NEDD4L: variants seen among roughly 807,000 people sequenced by gnomAD.
The protein encoded by NEDD4L is NEDD4 like E3 ubiquitin protein ligase.
NEDD4L carries 54 observed loss-of-function variants against 148.9 expected under a neutral mutation model. The ratio of observed to expected loss-of-function variants is 0.36; its 90% CI spans 0.29 to 0.45. The LOEUF (loss-of-function observed/expected upper bound fraction) is 0.45, where lower values mean the gene tolerates loss of function less well. Ranked by LOEUF, NEDD4L falls within the 20% of genes least tolerant of loss-of-function variation. The pLI is 1.00. For synonymous variants in NEDD4L, 433 were observed against 440.7 expected (o/e 0.98, Z 0.22); for missense variants, 856 against 1,233.8 (o/e 0.69, Z 4.59).
At chr18:58,081,155 A>G (rs2083409745) in intron 1 of NEDD4L, among the ~76,000 whole-genome samples, 1 of 151,788 alleles carries the variant, frequency 6.6e-6, no homozygotes, top group African/African-American at 2.4e-5. Flanking sequence ...TCTATTTGGG[A>G]ACATGCATTC....
chr18:58,310,989 C>G (rs904700236), intron 5 of NEDD4L, among the ~76,000 whole-genome samples: 12 of 152,136 alleles, frequency 7.9e-5, no homozygotes, highest in African/African-American at 2.9e-4. Context: ...CAATTCCCTT[C>G]CATTTGTCTT....
At chr18:58,245,676 T>C (rs895178824) in intron 3 of NEDD4L, among the ~76,000 whole-genome samples, 168 bp downstream of exon 3, 9 of 70,566 alleles carry the variant, frequency 1.3e-4, no homozygotes, top group Non-Finnish European at 2.4e-4. Context: ...CTTTTTCTCT[T>C]TTTTTTTTTT....
At chr18:58,328,911 G>A (rs1380942536) in intron 9 of NEDD4L, 84 bp from the exon 10 acceptor site, 2 of 1,513,782 alleles carry the variant, frequency 1.3e-6, no homozygotes, top group Admixed American at 1.8e-5. Context: ...TGGCCATCTG[G>A]CCCTCCGTGA....
chr18:58,328,317 T>C (rs2059493712), intron 9 of NEDD4L, among the ~76,000 whole-genome samples: 1 of 152,148 alleles, frequency 6.6e-6, no homozygotes, highest in African/African-American at 2.4e-5. Flanking sequence ...ATTGAGAACA[T>C]CACATGACAA....
chr18:58,124,649 G>A (rs7235250), intron 1 of NEDD4L, among the ~76,000 whole-genome samples: 108,496 of 152,114 alleles, frequency 0.71, 38,864 homozygotes, highest in Admixed American at 0.77. Context: ...ACATGGAGCC[G>A]CTGCTCTTCC....
intron 1 of NEDD4L, among the ~76,000 whole-genome samples, chr18:58,148,741 CA>C (rs1488572587): frequency 1.3e-5 from 2 of 152,218 alleles, no homozygotes; most frequent in Non-Finnish European, 2.9e-5. Flanking sequence ...AGTCACATTC[CA>C]GGGGCTAGAG....
chr18:58,236,391 G>A (rs1313536177), intron 2 of NEDD4L, among the ~76,000 whole-genome samples: 1 of 152,246 alleles, frequency 6.6e-6, no homozygotes, highest in East Asian at 1.9e-4. Context: ...TGAAGTACTG[G>A]TTGGGTTAAC....
chr18:58,320,239 T>G (rs1024352515), intron 6 of NEDD4L, among the ~76,000 whole-genome samples: 1 of 152,234 alleles, frequency 6.6e-6, no homozygotes, highest in African/African-American at 2.4e-5. Flanking sequence ...TTCCTATGTT[T>G]AAACTGTCCT....
chr18:58,258,961 C>T (rs1266656799), intron 5 of NEDD4L, among the ~76,000 whole-genome samples: 1 of 152,140 alleles, frequency 6.6e-6, no homozygotes, highest in African/African-American at 2.4e-5. Context: ...CAAATATCCA[C>T]TGCTTTGGTC....
At chr18:58,327,699 G>T (rs2059424541) in intron 9 of NEDD4L, among the ~76,000 whole-genome samples, 5 of 152,218 alleles carry the variant, frequency 3.3e-5, no homozygotes, top group Admixed American at 6.5e-5. Context: ...TTGTGTTTTA[G>T]AAAGAGTCTA....
intron 12 of NEDD4L, among the ~76,000 whole-genome samples, chr18:58,334,789 A>G (rs2041500718): frequency 6.6e-6 from 1 of 152,134 alleles, no homozygotes; most frequent in South Asian, 2.1e-4. Context: ...TTAATTTTTT[A>G]TGTTTGAGAA....
At chr18:58,254,690 G>T (rs2048309559) in intron 5 of NEDD4L, among the ~76,000 whole-genome samples, 1 of 151,966 alleles carries the variant, frequency 6.6e-6, no homozygotes, top group South Asian at 2.1e-4. Context: ...TCTCCAGCTG[G>T]GTTCATTTTC....
At chr18:58,396,145 A>G (rs1377831312) in intron 30 of NEDD4L, 22 bp from the exon 31 acceptor site, 1 of 1,552,198 alleles carries the variant, frequency 6.4e-7, no homozygotes, top group South Asian at 1.1e-5. Flanking sequence ...CTTTTCACCT[A>G]CACTTTTTGT....
At chr18:58,317,202 C>T (rs1337321729) in intron 6 of NEDD4L, among the ~76,000 whole-genome samples, 2 of 152,232 alleles carry the variant, frequency 1.3e-5, no homozygotes, top group East Asian at 3.9e-4. Context: ...AACTCTGAAG[C>T]TCCAGGGTGC....
chr18:58,045,222 G>A, intron 1 of NEDD4L: 1 of 398,310 alleles, frequency 2.5e-6, no homozygotes. Flanking sequence ...TATCCCGGCG[G>A]GAATGGGGGA....
Position 58,157,694 on chromosome 18 carries a change from C to T in NEDD4L, c.49-8094C>T, listed in dbSNP as rs147633678. Among the ~76,000 whole-genome samples, 947 of 152,286 alleles carry T rather than the reference C, an allele frequency of 6.2e-3. 2 individuals carry two copies. Among genetic ancestry groups the T allele is most frequent in the East Asian group, 0.013 (65 of 5,186 alleles). Reference sequence around the variant, plus strand: ...AAAAGTAATACTGCTGCTGCACTTACATTGAACAAGTCACCAAGCTCTGTT... The same window carrying T: ...AAAAGTAATACTGCTGCTGCACTTATATTGAACAAGTCACCAAGCTCTGTT... On this transcript the variant is annotated intron_variant, in intron 1 of 30. Transcript: ENST00000400345.
At chr18:58,069,054 T>C (rs1306539769) in intron 1 of NEDD4L, among the ~76,000 whole-genome samples, 1 of 149,448 alleles carries the variant, frequency 6.7e-6, no homozygotes, top group Non-Finnish European at 1.5e-5. Flanking sequence ...AAGAATCGCT[T>C]GAACCTGGGA....
chr18:58,255,783 C>T (rs1403420880), intron 5 of NEDD4L: 4 of 1,232,606 alleles, frequency 3.2e-6, no homozygotes, highest in Non-Finnish European at 3.0e-6. Flanking sequence ...CACCCCTTCG[C>T]CCAGAACGGA....
At chr18:58,075,032 C>T (rs1323680926) in intron 1 of NEDD4L, among the ~76,000 whole-genome samples, 13 of 152,152 alleles carry the variant, frequency 8.5e-5, no homozygotes, top group African/African-American at 2.4e-5. Flanking sequence ...AATAACCTAG[C>T]ACATATGTCA....
Sources: gnomAD v4.1 joint callset for allele counts (sites outside exome capture counted in the v4.1 genomes callset) on GRCh38, gnomAD v4.1.1 for gene constraint, MANE v1.5 for transcripts, NCBI Gene and HGNC (gene_info 2026-07-23, HGNC 2026-07-21) for gene names.